Variants in IQGAP3 observed in about 807,000 individuals in gnomAD.
IQGAP3 encodes the protein ras GTPase-activating-like protein IQGAP3.
In IQGAP3, 165 loss-of-function variants were observed where a neutral mutation model predicts 208.2. The ratio of observed to expected loss-of-function variants is 0.79; its 90% confidence interval spans 0.70 to 0.90. IQGAP3 has a LOEUF of 0.90. Among genes scored for constraint, IQGAP3 ranks in the 40% least tolerant of loss-of-function variants. The pLI, the probability that IQGAP3 is intolerant of heterozygous loss-of-function variation, is 0.00. For synonymous variants in IQGAP3, 703 were observed against 803.6 expected, an observed-to-expected ratio of 0.87 and a Z score of 2.12; for missense variants, 1,811 against 2,043.1, an observed-to-expected ratio of 0.89 and a Z score of 2.19.
Position 156,566,020 on chromosome 1 carries a change from G to T in IQGAP3, c.360+7C>A. 6.2e-7 allele frequency: 1 copy of T among 1,607,146 alleles called. No homozygotes were observed. The highest frequency in any genetic ancestry group is 8.5e-7 in the Non-Finnish European group (1 of 1,173,664). On this transcript the variant is annotated splice_region_variant and intron_variant, in intron 4 of 37. Coordinates refer to ENST00000361170, the MANE Select transcript of IQGAP3 (RefSeq NM_178229.5). ...AGATGAATACCAATCTTCAGGCCCA[G>T]TATTACCGAAGGCAGACCGATGTGG...
rs547538991 is a variant in IQGAP3, at chr1:156,570,363, AGAC to A, written c.38-903_38-901del. Among the ~76,000 whole-genome samples the A allele has an allele frequency of 5.9e-5, 9 of 152,248 alleles. No homozygotes were observed. The South Asian group carries it at 1.2e-3, about 21-fold the overall frequency. ...TGAGACCAGCCTGGGCAACATGGTG[AGAC>A]CCTGTCTTGACAAAAAATACACAAA... is the stretch of plus-strand genomic sequence containing the variant. On this transcript the variant is annotated intron_variant, in intron 1 of 37. Transcript: ENST00000361170.
Position 156,548,069 on chromosome 1 carries a change from C to T in IQGAP3, c.2304+4G>A. 6.2e-7 allele frequency: 1 copy of T among 1,611,598 alleles called. No homozygotes were observed. Among genetic ancestry groups the T allele is most frequent in the Non-Finnish European group, 8.5e-7 (1 of 1,178,784 alleles). On this transcript the variant is annotated splice_donor_region_variant and intron_variant, in intron 19 of 37. Coordinates refer to ENST00000361170, the MANE Select transcript of IQGAP3 (RefSeq NM_178229.5). ...TGAAGACTGAGAAAGCCAGAGCCTG[C>T]CACCTGGATCTTGATGACTGCTGGG...
intron 22 of IQGAP3, among the ~76,000 whole-genome samples, chr1:156,542,971 A>AG (rs1242829017): frequency 2.6e-5 from 4 of 151,838 alleles, no homozygotes; most frequent in African/African-American, 9.7e-5. Context: ...AATCAATTAA[A>AG]AAAAAAAAGG....
chr1:156,535,750 T>C (rs909637747), intron 27 of IQGAP3, among the ~76,000 whole-genome samples: 1 of 152,146 alleles, frequency 6.6e-6, no homozygotes, highest in Admixed American at 6.5e-5. Context: ...CCCAAGGAGA[T>C]CAGTGAGCCG....
At chr1:156,567,842 AG>A (rs1676477746) in intron 2 of IQGAP3, among the ~76,000 whole-genome samples, 1 of 152,252 alleles carries the variant, frequency 6.6e-6, no homozygotes, top group Non-Finnish European at 1.5e-5. Context: ...AATGTTCTTT[AG>A]GATTTCAGCT....
intron 37 of IQGAP3, among the ~76,000 whole-genome samples, chr1:156,527,300 T>G (rs906844414): frequency 2.0e-5 from 3 of 151,116 alleles, no homozygotes; most frequent in African/African-American, 7.3e-5. Context: ...ACCAACATGG[T>G]GAAACCCCAT....
chr1:156,534,517 T>C lies in IQGAP3; in HGVS notation c.3724A>G (p.Thr1242Ala), dbSNP rs1674590129. 2 of 1,577,042 alleles carry C rather than the reference T, an allele frequency of 1.3e-6. No individual in the cohort carries two copies. The highest frequency in any genetic ancestry group is 1.7e-6 in the Non-Finnish European group (2 of 1,162,082). The change falls in exon 29 of 38, where the codon ACA (threonine) becomes GCA (alanine). Residue 1242 changes from threonine (T) to alanine (A), a missense_variant. Transcript: ENST00000361170. ...ACCCAAGACCTGAACTTGAGGTGTG[T>C]TTCCTCCAGATAGTCATTCAGGACC... ...LRVLNDYLEE[T>A]HLKFRKFIHR...
At chr1:156,527,930 G>A (rs1571304479) in intron 37 of IQGAP3, 22 bp downstream of exon 37, 3 of 1,540,572 alleles carry the variant, frequency 1.9e-6, no homozygotes, top group East Asian at 2.2e-5. Flanking sequence ...TGTCCTGCAG[G>A]CTCATGGGAC....
At chr1:156,552,234 A>G in intron 13 of IQGAP3, 139 bp from the exon 14 acceptor site, 1 of 1,080,140 alleles carries the variant, frequency 9.3e-7, no homozygotes, top group Admixed American at 2.7e-5. Context: ...CTCACAGGCT[A>G]TTCTTTCTGA....
Position 156,526,932 on chromosome 1 carries a change from A to G in IQGAP3, c.4783-333T>C, listed in dbSNP as rs369739333. On this transcript the variant is annotated intron_variant, in intron 37 of 37. Transcript: ENST00000361170. ...GCTGCAATCTCCGCCTCCCAGGTTC[A>G]AGCGATTTTCCTGCTTCAGCCTCCT... Among the ~76,000 whole-genome samples, 84 of 152,122 alleles carry G rather than the reference A, an allele frequency of 5.5e-4. No homozygotes were observed. In the East Asian group the frequency reaches 0.016, roughly 29 times the overall value.
chr1:156,535,932 C>T lies in IQGAP3; in HGVS notation c.3423-685G>A, dbSNP rs116575892. On this transcript the variant is annotated intron_variant, in intron 27 of 37. Transcript: ENST00000361170. ...AGTGAAATTATGTCTGCGAGAGTAACGTATAATGGTAGAGTACTATTCAAA... is the reference window on the plus strand; with the variant it reads ...AGTGAAATTATGTCTGCGAGAGTAATGTATAATGGTAGAGTACTATTCAAA... Among the ~76,000 whole-genome samples, 1,299 of 152,294 alleles carry T rather than the reference C, an allele frequency of 8.5e-3. 5 individuals are homozygous for T. The highest frequency in any genetic ancestry group is 0.024 in the Middle Eastern group (7 of 294).
At chr1:156,571,732 C>T (rs1676655200) in intron 1 of IQGAP3, among the ~76,000 whole-genome samples, 1 of 152,216 alleles carries the variant, frequency 6.6e-6, no homozygotes, top group African/African-American at 2.4e-5. Flanking sequence ...AACTAGTTTT[C>T]CTTTAACAGA....
intron 37 of IQGAP3, among the ~76,000 whole-genome samples, chr1:156,526,896 G>GATCTCGGATCGCTGCA (rs1487097803): frequency 6.6e-5 from 10 of 152,102 alleles, no homozygotes; most frequent in Middle Eastern, 3.4e-3. Flanking sequence ...GCAGTGGCGC[G>GATCTCGGATCGCTGCA]ATCTCGGATC....
intron 26 of IQGAP3, 35 bp from the exon 27 acceptor site, chr1:156,537,356 C>T: frequency 1.9e-6 from 3 of 1,576,364 alleles, no homozygotes; most frequent in Non-Finnish European, 1.7e-6. Context: ...TAAGCAGGAG[C>T]CCCCTCCAAT....
chr1:156,552,931 A>G (rs1675624427), intron 13 of IQGAP3, among the ~76,000 whole-genome samples: 1 of 152,180 alleles, frequency 6.6e-6, no homozygotes, highest in African/African-American at 2.4e-5. Context: ...AAAATTAGCC[A>G]GGCATGGTGG....
chr1:156,570,560 C>G (rs1676602443), intron 1 of IQGAP3, among the ~76,000 whole-genome samples: 1 of 152,162 alleles, frequency 6.6e-6, no homozygotes, highest in Non-Finnish European at 1.5e-5. Flanking sequence ...ACTCTGTCAC[C>G]CAGGCTGGAG....
rs777329901 is a variant in IQGAP3, at chr1:156,537,315, G to A, written c.3288C>T (p.Leu1096=). 1 of 1,612,616 alleles carries A rather than the reference G, an allele frequency of 6.2e-7. No homozygotes were observed. Among genetic ancestry groups the A allele is most frequent in the Non-Finnish European group, 8.5e-7 (1 of 1,179,318 alleles). Residue 1096 remains leucine, a synonymous_variant, in exon 27 of 38, where the codon CTC becomes CTT. Transcript: ENST00000361170. The part of the protein sequence containing the change: ...TEAQTGQRSH[L]PYDVTPEQAL... Reference sequence around the variant, plus strand: ...CCTGCTCCGGGGTGACATCATATGGGAGATGGCTATGAGCAGAGAGAGACA... The same window carrying A: ...CCTGCTCCGGGGTGACATCATATGGAAGATGGCTATGAGCAGAGAGAGACA...
Position 156,529,011 on chromosome 1 carries a change from C to T in IQGAP3, c.4476G>A (p.Gln1492=). The T allele has an allele frequency of 6.2e-7, 1 of 1,614,164 alleles. No individual in the cohort carries two copies. Among genetic ancestry groups the T allele is most frequent in the Non-Finnish European group, 8.5e-7 (1 of 1,180,006 alleles). ...AGAAGGTGGTCTTAGTGCTCAGGCC[C>T]TGTAATGTGGCCTGCAGCTTCACCA... ...AELVKLQATL[Q]GLSTKTTFYE... The change falls in exon 35 of 38, where the codon CAG becomes CAA. Residue 1492 remains glutamine (Q), a synonymous_variant. Coordinates refer to ENST00000361170, the MANE Select transcript of IQGAP3 (RefSeq NM_178229.5).
chr1:156,560,886 G>A, intron 11 of IQGAP3, 48 bp downstream of exon 11: 1 of 1,287,278 alleles, frequency 7.8e-7, no homozygotes, highest in Non-Finnish European at 1.1e-6. Context: ...ACTCTTCTAA[G>A]AGTCAGAGAT....
Sources: gnomAD v4.1 joint callset for allele counts (sites outside exome capture counted in the v4.1 genomes callset) on GRCh38, gnomAD v4.1.1 for gene constraint, MANE v1.5 for transcripts, NCBI Gene and HGNC (gene_info 2026-07-23, HGNC 2026-07-21) for gene names.